The following HEATR4 variants were observed in gnomAD, a reference collection of about 807,000 sequenced individuals.
HEATR4 encodes HEAT repeat-containing protein 4.
Under a neutral mutation model 108.8 loss-of-function variants are expected in HEATR4, and 95 were observed. The observed-to-expected ratio is 0.87, with a 90% confidence interval of 0.74 to 1.04. The LOEUF (loss-of-function observed/expected upper bound fraction) is 1.04, where lower values mean the gene tolerates loss of function less well. HEATR4 is among the 50% of genes least tolerant of loss of function. HEATR4 has a pLI of 0.00. For missense variants in HEATR4, 1,152 were observed against 1,253.8 expected (o/e 0.92, Z 1.23); for synonymous variants, 443 against 459.4 (o/e 0.96, Z 0.46).
the HEATR4 span, among the ~76,000 whole-genome samples, chr14:73,615,311 C>T: frequency 1.5e-4 from 21 of 143,614 alleles, 1 homozygote; most frequent in African/African-American, 4.1e-4. Flanking sequence ...TGCTTGAACC[C>T]GGCAGGTGGA....
chr14:73,597,743 GC>G, the HEATR4 span, among the ~76,000 whole-genome samples: 1 of 151,752 alleles, frequency 6.6e-6, no homozygotes, highest in South Asian at 2.1e-4. Flanking sequence ...ACAGGTACCT[GC>G]CACCATGCCT....
the HEATR4 span, among the ~76,000 whole-genome samples, chr14:73,584,135 G>A: frequency 6.6e-6 from 1 of 151,856 alleles, no homozygotes; most frequent in African/African-American, 2.4e-5. Flanking sequence ...AAGGTAAAGA[G>A]AGCACAGAGC....
At chr14:73,573,452 G>A in the HEATR4 span, 2 of 1,613,652 alleles carry the variant, frequency 1.2e-6, no homozygotes, top group Non-Finnish European at 1.7e-6. Context: ...TGGAGTATCG[G>A]GCTAGTCTGC....
intron 8 of HEATR4, among the ~76,000 whole-genome samples, 196 bp downstream of exon 8, chr14:73,509,116 C>G (rs1887038942): frequency 6.6e-6 from 1 of 152,124 alleles, no homozygotes; most frequent in Non-Finnish European, 1.5e-5. Flanking sequence ...ATCCTGTCGC[C>G]TTGGCCTCCC....
At chr14:73,511,267 CT>C (rs1887232346) in intron 7 of HEATR4, among the ~76,000 whole-genome samples, 1 of 151,560 alleles carries the variant, frequency 6.6e-6, no homozygotes, top group Non-Finnish European at 1.5e-5. Flanking sequence ...AATCCCAGCA[CT>C]TTGGGAGGCT....
chr14:73,501,951 TAGTC>T (rs753098120), intron 11 of HEATR4, among the ~76,000 whole-genome samples: 4 of 151,918 alleles, frequency 2.6e-5, no homozygotes, highest in African/African-American at 7.3e-5. Context: ...TTCACCATGT[TAGTC>T]AGGATGGTCT....
intron 4 of HEATR4, chr14:73,520,396 T>C (rs773460551): frequency 2.3e-4 from 35 of 154,752 alleles, no homozygotes; most frequent in Non-Finnish European, 3.9e-4. Flanking sequence ...TCAGAGGAAT[T>C]ATATAATTTA....
intron 1 of HEATR4, among the ~76,000 whole-genome samples, chr14:73,547,613 A>G (rs144232972): frequency 0.013 from 1,532 of 115,032 alleles, 51 homozygotes; most frequent in African/African-American, 0.041. Flanking sequence ...GACCAGGCAC[A>G]GTAGCTCACG....
chr14:73,537,406 T>G, intron 1 of HEATR4: 4 of 1,234,638 alleles, frequency 3.2e-6, no homozygotes, highest in Non-Finnish European at 4.3e-6. Context: ...GCCGGATTAT[T>G]TGGGTTCCTG....
chr14:73,494,166 C>A (rs2302041), intron 16 of HEATR4, among the ~76,000 whole-genome samples: 27,017 of 152,134 alleles, frequency 0.18, 2,991 homozygotes, highest in East Asian at 0.4. Flanking sequence ...GAAGAAACTT[C>A]CCCAAATCTG....
At position 73,487,225 on chromosome 14, in the gene HEATR4, C is replaced by T. The variant is rs141629498; in HGVS notation, c.2844+5841G>A. On this transcript the variant is annotated intron_variant, in intron 17 of 17. Transcript: ENST00000553558. Reference sequence around the variant, plus strand: ...AGAAAGGTAAGCAATGCTTAAAAATCAAGAAAAATGAGATGAATTAGGGAA... The same window carrying T: ...AGAAAGGTAAGCAATGCTTAAAAATTAAGAAAAATGAGATGAATTAGGGAA... 3.5e-3 allele frequency among the ~76,000 whole-genome samples: 508 copies of T among 145,252 alleles called. 18 individuals carry two copies. The highest frequency in any genetic ancestry group is 0.012 in the African/African-American group (482 of 40,082).
intron 1 of HEATR4, among the ~76,000 whole-genome samples, chr14:73,530,814 T>TC (rs1888668379): frequency 1.1e-5 from 1 of 87,112 alleles, no homozygotes; most frequent in African/African-American, 3.7e-5. Flanking sequence ...TTTTTTTTTT[T>TC]TTTTTGTAGA....
chr14:73,492,693 T>C lies in HEATR4; in HGVS notation c.2844+373A>G, dbSNP rs764651514. The stretch of plus-strand genomic sequence containing the variant: ...CTTCAGGATGGGATAGCTCGGCTGG[T>C]GGGTGAGGGGGGCCATTTGTTTCTC... On this transcript the variant is annotated intron_variant, in intron 17 of 17. Transcript: ENST00000553558. This position sits in a 1 kb window ranked among gnomAD's most constrained non-coding sequence, Gnocchi z 4.9. The C allele has an allele frequency of 6.2e-7, 1 of 1,613,662 alleles. No individual in the cohort carries two copies. The highest frequency in any genetic ancestry group is 8.5e-7 in the Non-Finnish European group (1 of 1,179,874).
At chr14:73,526,416 G>A (rs187172537) in intron 2 of HEATR4, among the ~76,000 whole-genome samples, 1 of 152,196 alleles carries the variant, frequency 6.6e-6, no homozygotes, top group African/African-American at 2.4e-5. Context: ...GGTCATGGAG[G>A]CAGTGGACTT....
chr14:73,579,143 C>T, the HEATR4 span, among the ~76,000 whole-genome samples: 1 of 149,920 alleles, frequency 6.7e-6, no homozygotes, highest in Non-Finnish European at 1.5e-5. Flanking sequence ...GTAATCCCAG[C>T]TACTTGGGAG....
intron 13 of HEATR4, 109 bp from the exon 14 acceptor site, chr14:73,498,453 C>T (rs1045027371): frequency 3.1e-6 from 3 of 953,924 alleles, no homozygotes; most frequent in East Asian, 2.7e-5. Context: ...GGATGGTAAT[C>T]ACCATTAGAA....
rs527939576 is a variant in HEATR4, at chr14:73,490,058, A to G, written c.2844+3008T>C. On this transcript the variant is annotated intron_variant, in intron 17 of 17. Transcript: ENST00000553558. ...ACATCCAAGGAACACTGCAATGTGC[A>G]GAGACTAGAAGGAAAAAACAGTCAA... Among the ~76,000 whole-genome samples the G allele has an allele frequency of 2.0e-5, 3 of 152,348 alleles. No individual in the cohort carries two copies. The South Asian group carries it at 6.2e-4, about 32-fold the overall frequency.
At chr14:73,619,687 G>A in the HEATR4 span, 3 of 1,614,162 alleles carry the variant, frequency 1.9e-6, no homozygotes, top group Non-Finnish European at 2.5e-6. Context: ...TCCTTCTAGA[G>A]CTTCTGTGCA....
Position 73,558,456 on chromosome 14 carries a change from A to C in HEATR4, c.-152+295T>G, listed in dbSNP as rs563419400. Among the ~76,000 whole-genome samples the C allele has an allele frequency of 2.4e-3, 333 of 136,248 alleles. 7 individuals are homozygous for C. Among genetic ancestry groups the C allele is most frequent in the African/African-American group, 8.7e-3 (312 of 35,960 alleles). 89.4% of individuals were successfully genotyped at this position (136,248 alleles called of 152,430 possible). ...ACTGCAGCCTTGACCTCCTGGGCTC[A>C]AGCAATCCTCCCACATAGCTGGGAG... On this transcript the variant is annotated intron_variant, in intron 1 of 17. Transcript: ENST00000553558.
Sources: gnomAD v4.1 joint callset for allele counts (sites outside exome capture counted in the v4.1 genomes callset) on GRCh38, gnomAD v4.1.1 for gene constraint, Gnocchi (gnomAD v3.1) non-coding constraint, MANE v1.5 for transcripts, NCBI Gene and HGNC (gene_info 2026-07-23, HGNC 2026-07-21) for gene names.